The following KIF7 variants were observed in gnomAD, a reference collection of about 807,000 sequenced individuals.
The protein encoded by KIF7 is kinesin family member 7.
In KIF7, 104 loss-of-function variants were observed where a neutral mutation model predicts 135.7. That is an observed-to-expected ratio of 0.77 (90% CI 0.65 to 0.90). KIF7 has a LOEUF of 0.90. KIF7 is among the 40% of genes least tolerant of loss of function. KIF7 has a pLI of 0.00. For missense variants in KIF7, 2,005 were observed against 1,839.1 expected (o/e 1.09, Z -1.65); for synonymous variants, 883 against 809.4 (o/e 1.09, Z -1.54).
At chr15:89,656,729 T>TTC (rs1567071383), upstream of KIF7, among the ~76,000 whole-genome samples, 12 of 152,110 alleles carry the variant, frequency 7.9e-5, no homozygotes, top group Non-Finnish European at 1.3e-4. Flanking sequence ...TTTCCTCCAA[T>TTC]AGACAATTCA....
intron 1 of KIF7, among the ~76,000 whole-genome samples, chr15:89,653,745 T>G (rs1964161317): frequency 4.7e-5 from 1 of 21,480 alleles, no homozygotes; most frequent in Non-Finnish European, 1.5e-4. Flanking sequence ...AATTTTATTA[T>G]TAGTATTAGT....
chr15:89,637,500 C>A (rs1963833998), intron 11 of KIF7, among the ~76,000 whole-genome samples: 1 of 152,116 alleles, frequency 6.6e-6, no homozygotes, highest in Non-Finnish European at 1.5e-5. Flanking sequence ...CACCACCGAT[C>A]CCACAGAAAT....
intron 7 of KIF7, 104 bp from the exon 8 acceptor site, chr15:89,646,130 T>C: frequency 6.9e-7 from 1 of 1,445,958 alleles, no homozygotes; most frequent in Non-Finnish European, 9.6e-7. Flanking sequence ...TGCCTTACCT[T>C]CGTGATCCAG....
rs1336673147 is a variant in KIF7, at chr15:89,629,555, C to T, written c.3337G>A (p.Glu1113Lys). 5.0e-6 allele frequency: 8 copies of T among 1,607,234 alleles called. No homozygotes were observed. The East Asian group carries it at 1.8e-4, about 36-fold the overall frequency. Residue 1113 changes from glutamate to lysine, a missense_variant, in exon 17 of 19, where the codon GAG becomes AAG. Physicochemically the swap from Glu to Lys is moderately conservative, Grantham distance 56. Coordinates refer to ENST00000394412, the MANE Select transcript of KIF7 (RefSeq NM_198525.3). Reference sequence around the variant, plus strand: ...AAGGCAATCTGCTGCTGGTGCTGCTCCTCTCGGAGCGTCACCACCTGTCCC... The same window carrying T: ...AAGGCAATCTGCTGCTGGTGCTGCTTCTCTCGGAGCGTCACCACCTGTCCC... Reference protein sequence around the residue: ...YFDKVVTLREEQHQQQIAFSE... With the variant: ...YFDKVVTLREKQHQQQIAFSE...
intron 1 of KIF7, chr15:89,619,607 T>A: frequency 7.9e-7 from 1 of 1,259,388 alleles, no homozygotes. Context: ...ATTTCCATCT[T>A]ATATGTGGTA....
In KIF7 at chr15:89,633,479, T is replaced by C. The variant is rs558457066; in HGVS notation, c.2592+207A>G. 3.3e-5 allele frequency among the ~76,000 whole-genome samples: 5 copies of C among 152,356 alleles called. No individual in the cohort carries two copies. The South Asian group carries it at 1.0e-3, about 32-fold the overall frequency. Reference sequence around the variant, plus strand: ...CCCACAAGATGCCAGTCACCTCATATACCTCATCTCACTGAAGTCTCACCC... The same window carrying C: ...CCCACAAGATGCCAGTCACCTCATACACCTCATCTCACTGAAGTCTCACCC... On this transcript the variant is annotated intron_variant, in intron 12 of 18. Coordinates refer to ENST00000394412, the MANE Select transcript of KIF7 (RefSeq NM_198525.3).
Position 89,630,631 on chromosome 15 carries a change from G to A in KIF7, c.3112-138C>T, listed in dbSNP as rs548753891. ...GTCCCAAGGGCCAAGTCAGCCCATCGAGAGAGGTGCCCCCTGCTCACTGTC... is the reference window on the plus strand; with the variant it reads ...GTCCCAAGGGCCAAGTCAGCCCATCAAGAGAGGTGCCCCCTGCTCACTGTC... On this transcript the variant is annotated intron_variant, in intron 15 of 18. Coordinates refer to ENST00000394412, the MANE Select transcript of KIF7 (RefSeq NM_198525.3). 1.7e-4 allele frequency: 123 copies of A among 732,034 alleles called. 1 individual carries two copies. The highest frequency in any genetic ancestry group is 1.0e-3 in the South Asian group (67 of 65,936). The allele number at this position is 732,034 out of a possible 1,614,324, so 45.3% of individuals were successfully genotyped here.
chr15:89,661,142 G>A, the KIF7 span, among the ~76,000 whole-genome samples: 3 of 152,176 alleles, frequency 2.0e-5, no homozygotes, highest in African/African-American at 7.2e-5. Flanking sequence ...TTGTTATTGG[G>A]AGCCTTCTGT....
the KIF7 span, among the ~76,000 whole-genome samples, chr15:89,660,585 AACCTCAACCCCTGGC>A: frequency 1.3e-5 from 2 of 152,208 alleles, no homozygotes; most frequent in African/African-American, 4.8e-5. Flanking sequence ...AGATAGAAGG[AACCTCAACCCCTGGC>A]ACTGCTGAGT....
In KIF7 at chr15:89,628,961, G is replaced by A. The variant is rs199716624; in HGVS notation, c.3664+15C>T. 92 of 1,613,864 alleles carry A rather than the reference G, an allele frequency of 5.7e-5. No homozygotes were observed. Among genetic ancestry groups the A allele is most frequent in the Admixed American group, 4.8e-4 (29 of 60,008 alleles). On this transcript the variant is annotated intron_variant, in intron 18 of 18. Transcript: ENST00000394412. ...AAGGGAACAGGTCTGACTTCAGAGC[G>A]CGACGAGGAGTTACCCCTGCTGTGG...
chr15:89,662,265 G>A, the KIF7 span, among the ~76,000 whole-genome samples: 1 of 152,076 alleles, frequency 6.6e-6, no homozygotes, highest in Non-Finnish European at 1.5e-5. Context: ...GGGAGGACAA[G>A]GTGGGCAGAT....
In KIF7 at chr15:89,649,017, G is replaced by A; in HGVS notation, c.880C>T (p.Arg294Cys). The A allele has an allele frequency of 1.3e-6, 2 of 1,547,718 alleles. No individual in the cohort carries two copies. Among genetic ancestry groups the A allele is most frequent in the Non-Finnish European group, 1.7e-6 (2 of 1,146,470 alleles). The change falls in exon 4 of 19, where the codon CGC (arginine) becomes TGC (cysteine). Residue 294 changes from arginine to cysteine, a missense_variant. Coordinates refer to ENST00000394412, the MANE Select transcript of KIF7 (RefSeq NM_198525.3). The part of the protein sequence containing the change: ...NVISALGDPQ[R>C]RGSHIPYRDS... ...CGGTAGGGTATGTGGCTGCCCCGGC[G>A]CTGAGGGTCCCCCAGGGCGCTGATG...
At chr15:89,653,577 C>T (rs1411127673) in intron 1 of KIF7, among the ~76,000 whole-genome samples, 1 of 152,100 alleles carries the variant, frequency 6.6e-6, no homozygotes, top group Non-Finnish European at 1.5e-5. Flanking sequence ...CAACCAGGGA[C>T]ATCTTTCTTT....
rs1964021510 is a variant in KIF7, at chr15:89,646,844, C to T, written c.1774G>A (p.Glu592Lys). Residue 592 changes from glutamate (E) to lysine (K), a missense_variant, in exon 7 of 19, where the codon GAG becomes AAG. By Grantham distance (56) the Glu-to-Lys change is moderately conservative. Transcript: ENST00000394412. Reference protein sequence around the residue: ...ACLPGDEVGSEQRGEQVTNGR... With the variant: ...ACLPGDEVGSKQRGEQVTNGR... ...CCTCTTCTCACCTCTCCCCTCTGCTCAGAGCCAACTTCATCTCCAGGGAGG... is the reference window on the plus strand; with the variant it reads ...CCTCTTCTCACCTCTCCCCTCTGCTTAGAGCCAACTTCATCTCCAGGGAGG... The T allele has an allele frequency of 6.2e-7, 1 of 1,614,038 alleles. No homozygotes were observed. Among genetic ancestry groups the T allele is most frequent in the Non-Finnish European group, 8.5e-7 (1 of 1,180,020 alleles).
chr15:89,625,933 T>TAGGCTCC, downstream of KIF7: 2 of 1,568,254 alleles, frequency 1.3e-6, no homozygotes, highest in Admixed American at 3.9e-5. Flanking sequence ...GGGATCTCTT[T>TAGGCTCC]AGGCTCCACC....
intron 2 of KIF7, among the ~76,000 whole-genome samples, chr15:89,652,135 T>G (rs773827829): frequency 3.3e-5 from 5 of 152,198 alleles, no homozygotes; most frequent in African/African-American, 7.2e-5. Context: ...CTTCCTTCAG[T>G]TGGCCCAAAG....
Position 89,646,190 on chromosome 15 carries a change from C to T in KIF7, c.1789-164G>A, listed in dbSNP as rs144031384. ...TCTGAATCTCAAGCTGGGGTGAGAG[C>T]TTCCTCCCTCCCCTCCCCTCCCGCC... On this transcript the variant is annotated intron_variant, in intron 7 of 18. Coordinates refer to ENST00000394412, the MANE Select transcript of KIF7 (RefSeq NM_198525.3). Among the ~76,000 whole-genome samples, 1,919 of 152,210 alleles carry T rather than the reference C, an allele frequency of 0.013. 22 individuals are homozygous for T. The highest frequency in any genetic ancestry group is 0.016 in the Non-Finnish European group (1,072 of 67,988).
chr15:89,654,304 C>T (rs1964173166), intron 1 of KIF7, among the ~76,000 whole-genome samples: 1 of 144,990 alleles, frequency 6.9e-6, no homozygotes, highest in Non-Finnish European at 1.5e-5. Flanking sequence ...TCACCGTGCC[C>T]GGCCTGGGAT....
At position 89,629,566 on chromosome 15, in the gene KIF7, G is replaced by T; in HGVS notation, c.3326C>A (p.Thr1109Lys). The T allele has an allele frequency of 6.2e-7, 1 of 1,605,614 alleles. No individual in the cohort carries two copies. Residue 1109 changes from threonine (T) to lysine (K), a missense_variant, in exon 17 of 19, where the codon ACG becomes AAG. Thr to Lys is a moderately conservative substitution (Grantham distance 78). Coordinates refer to ENST00000394412, the MANE Select transcript of KIF7 (RefSeq NM_198525.3). ...LLCKYFDKVV[T>K]LREEQHQQQI... is the part of the protein sequence containing the mutation. ...CTGCTGGTGCTGCTCCTCTCGGAGC[G>T]TCACCACCTGTCCCAAGACCCAGCC...
Sources: allele counts gnomAD v4.1 joint callset (sites outside exome capture counted in the v4.1 genomes callset), GRCh38; gene constraint gnomAD v4.1.1; transcripts MANE v1.5; gene names NCBI Gene and HGNC (gene_info 2026-07-23, HGNC 2026-07-21).